STRC: variants seen among roughly 807,000 people sequenced by gnomAD.
STRC encodes the protein stereocilin.
Under a neutral mutation model 103.5 loss-of-function variants are expected in STRC, and 43 were observed. The ratio of observed to expected loss-of-function variants is 0.42; its 90% CI spans 0.33 to 0.54. The LOEUF is 0.54. Ranked by LOEUF, STRC falls within the 20% of genes least tolerant of loss-of-function variation. The pLI, the probability that STRC is intolerant of heterozygous loss-of-function variation, is 0.14. For missense variants in STRC, 499 were observed against 1,088.5 expected (o/e 0.46, Z 7.62); for synonymous variants, 186 against 442.3 (o/e 0.42, Z 7.27).
At chr15:43,604,608 G>A in intron 20 of STRC, 42 bp downstream of exon 20, 1 of 1,613,122 alleles carries the variant, frequency 6.2e-7, no homozygotes, top group Non-Finnish European at 8.5e-7. Flanking sequence ...GAGGGACTGG[G>A]TATAGAATGA....
In STRC at chr15:43,606,303, A is replaced by T. The variant is rs1354785688; in HGVS notation, c.3795-904T>A. ...TATTTAAACAGATCTGAATGGCATTAAAAAAAAGTAAAAACAGGCCGGACG... is the reference window on the plus strand; with the variant it reads ...TATTTAAACAGATCTGAATGGCATTTAAAAAAAGTAAAAACAGGCCGGACG... On this transcript the variant is annotated intron_variant, in intron 18 of 28. Transcript: ENST00000450892. Among the ~76,000 whole-genome samples, 2 of 90,600 alleles carry T rather than the reference A, an allele frequency of 2.2e-5. 1 individual carries two copies. The highest frequency in any genetic ancestry group is 8.1e-5 in the African/African-American group (2 of 24,574). The allele number at this position is 90,600 out of a possible 152,430, so 59.4% of individuals were successfully genotyped here.
chr15:43,603,588 T>G, intron 22 of STRC, 177 bp from the exon 23 acceptor site: 1 of 738,414 alleles, frequency 1.4e-6, no homozygotes, highest in Non-Finnish European at 2.3e-6. Context: ...GAACAAGAAG[T>G]GATTGGAGAT....
intron 19 of STRC, 165 bp from the exon 20 acceptor site, chr15:43,605,011 G>A (rs1455927579): frequency 4.1e-6 from 5 of 1,211,334 alleles, no homozygotes; most frequent in Non-Finnish European, 5.9e-6. Context: ...AGCCCAGATA[G>A]GAGCAGGCAG....
intron 15 of STRC, chr15:43,609,665 C>T (rs2085734750): frequency 2.8e-6 from 1 of 358,094 alleles, no homozygotes; most frequent in Non-Finnish European, 5.3e-6. Flanking sequence ...ATCTGGACAG[C>T]ATAGTACCTC....
intron 23 of STRC, among the ~76,000 whole-genome samples, chr15:43,602,353 T>C (rs1261922696): frequency 6.6e-6 from 1 of 151,754 alleles, no homozygotes; most frequent in Non-Finnish European, 1.5e-5. Context: ...GCTAATGTTT[T>C]TTCTATTTTT....
At position 43,604,108 on chromosome 15, in the gene STRC, C is replaced by G. The variant is rs138821063; in HGVS notation, c.4263G>C (p.Gln1421His). The G allele has an allele frequency of 6.2e-7, 1 of 1,611,880 alleles. No homozygotes were observed. Among genetic ancestry groups the G allele is most frequent in the African/African-American group, 1.3e-5 (1 of 74,830 alleles). Residue 1421 changes from glutamine (Q) to histidine (H), a missense_variant, in exon 22 of 29, where the codon CAG becomes CAC. Coordinates refer to ENST00000450892, the MANE Select transcript of STRC (RefSeq NM_153700.2). ...PETLERLLEK[Q>H]QSWEQSRVGQ... Reference sequence around the variant, plus strand: ...CAACTCTGCTCTGCTCCCAGCTCTGCTGCTTTTCTAGAAGCCGCTCCAGGG... The same window carrying G: ...CAACTCTGCTCTGCTCCCAGCTCTGGTGCTTTTCTAGAAGCCGCTCCAGGG...
In STRC at chr15:43,604,723, G is replaced by A. The variant is rs2085699578; in HGVS notation, c.4054C>T (p.Leu1352=). The change falls in exon 20 of 29, where the codon CTG becomes TTG. Residue 1352 remains leucine, a synonymous_variant. Coordinates refer to ENST00000450892, the MANE Select transcript of STRC (RefSeq NM_153700.2). ...LQILLSHLSQ[L]QGFCLGETFA... is the part of the protein sequence containing the mutation. Reference sequence around the variant, plus strand: ...GTCTCTCCTAGGCAGAAGCCTTGCAGCTGACTGAGATGGGACAGCAGGATC... The same window carrying A: ...GTCTCTCCTAGGCAGAAGCCTTGCAACTGACTGAGATGGGACAGCAGGATC... The A allele has an allele frequency of 1.2e-6, 2 of 1,613,562 alleles. No homozygotes were observed. Among genetic ancestry groups the A allele is most frequent in the African/African-American group, 2.7e-5 (2 of 74,874 alleles).
chr15:43,606,890 C>T (rs2085713699), intron 18 of STRC, among the ~76,000 whole-genome samples: 1 of 100,384 alleles, frequency 1.0e-5, no homozygotes, highest in South Asian at 4.0e-4. Context: ...GTCCCAGCTA[C>T]TCGGGAGACT....
At chr15:43,605,137 T>C in intron 19 of STRC, 127 bp downstream of exon 19, 2 of 1,542,250 alleles carry the variant, frequency 1.3e-6, no homozygotes, top group Non-Finnish European at 1.8e-6. Flanking sequence ...CCAGGCCTTG[T>C]AGACAGGAAT....
rs2467436 is a variant in STRC, at chr15:43,608,459, C to A, written c.3558-256G>T. 3.8e-3 allele frequency among the ~76,000 whole-genome samples: 487 copies of A among 129,688 alleles called. 2 individuals carry two copies. Among genetic ancestry groups the A allele is most frequent in the Middle Eastern group, 0.03 (7 of 232 alleles). The allele number at this position is 129,688 out of a possible 152,430, so 85.1% of individuals were successfully genotyped here. ...GAAATGTGGTAAACTGAAACTAGAG[C>A]CATGTCTTAGATTCTGAAGCCCTTG... On this transcript the variant is annotated intron_variant, in intron 16 of 28. Transcript: ENST00000450892.
intron 18 of STRC, among the ~76,000 whole-genome samples, chr15:43,606,445 C>G (rs954115536): frequency 1.4e-5 from 2 of 146,502 alleles, no homozygotes; most frequent in Non-Finnish European, 3.0e-5. Context: ...ACTAAAAATG[C>G]AAAAATTAGC....
At position 43,604,665 on chromosome 15, in the gene STRC, T is replaced by C. The variant is rs1303436326; in HGVS notation, c.4112A>G (p.Gln1371Arg). 1 of 1,613,606 alleles carries C rather than the reference T, an allele frequency of 6.2e-7. No homozygotes were observed. Among genetic ancestry groups the C allele is most frequent in the Admixed American group, 1.7e-5 (1 of 59,994 alleles). The stretch of plus-strand genomic sequence containing the variant: ...AGGTCCATACCCAAGAACAGACTCC[T>C]GCAATAGCAGCCATCCCAGCTCTGT... ...FATELGWLLL[Q>R]ESVLGKPELW... Residue 1371 changes from glutamine to arginine, a missense_variant, in exon 20 of 29, where the codon CAG (glutamine) becomes CGG (arginine). By Grantham distance (43) the Gln-to-Arg change is conservative. Transcript: ENST00000450892.
In STRC at chr15:43,603,418, G is replaced by T; in HGVS notation, c.4376-7C>A. On this transcript the variant is annotated splice_polypyrimidine_tract_variant and splice_region_variant and intron_variant, in intron 22 of 28. Coordinates refer to ENST00000450892, the MANE Select transcript of STRC (RefSeq NM_153700.2). ...GCACAATTTGGCACAGGTTCTGAAG[G>T]GGGAAGGCAGGGCCAGGAGGTCAGC... The T allele has an allele frequency of 6.2e-7, 1 of 1,612,692 alleles. No individual in the cohort carries two copies. The highest frequency in any genetic ancestry group is 8.5e-7 in the Non-Finnish European group (1 of 1,179,698).
At chr15:43,604,992 T>C in intron 19 of STRC, 146 bp from the exon 20 acceptor site, 1 of 1,343,954 alleles carries the variant, frequency 7.4e-7, no homozygotes. Context: ...TTCACTTCCT[T>C]AAGCAATGAG....
At position 43,604,091 on chromosome 15, in the gene STRC, C is replaced by T. The variant is rs1372056863; in HGVS notation, c.4280G>A (p.Ser1427Asn). 5 of 1,613,048 alleles carry T rather than the reference C, an allele frequency of 3.1e-6. No homozygotes were observed. Among genetic ancestry groups the T allele is most frequent in the African/African-American group, 1.3e-5 (1 of 74,858 alleles). Residue 1427 changes from serine (S) to asparagine (N), a missense_variant, in exon 22 of 29, where the codon AGC (serine) becomes AAC (asparagine). By Grantham distance (46) the Ser-to-Asn change is conservative. Coordinates refer to ENST00000450892, the MANE Select transcript of STRC (RefSeq NM_153700.2). The stretch of plus-strand genomic sequence containing the variant: ...CTCCCTACACAGCTGTCCAACTCTG[C>T]TCTGCTCCCAGCTCTGCTGCTTTTC... The part of the protein sequence containing the change: ...LLEKQQSWEQ[S>N]RVGQLCREPQ...
Position 43,603,345 on chromosome 15 carries a change from G to A in STRC, c.4442C>T (p.Ala1481Val). 1 of 1,613,808 alleles carries A rather than the reference G, an allele frequency of 6.2e-7. No individual in the cohort carries two copies. Among genetic ancestry groups the A allele is most frequent in the African/African-American group, 1.3e-5 (1 of 74,966 alleles). ...CTCAAAGTCTGAGAGCTCCATCTCT[G>A]CAATCTGGGTTGCAGACCAGGCTGC... ...FPAAWSATQIAEMELSDFEDC... is the reference protein window; with the variant it reads ...FPAAWSATQIVEMELSDFEDC... Residue 1481 changes from alanine to valine, a missense_variant, in exon 23 of 29, where the codon GCA (alanine) becomes GTA (valine). By Grantham distance (64) the Ala-to-Val change is moderately conservative. Transcript: ENST00000450892.
Position 43,600,892 on chromosome 15 carries a change from G to A in STRC, c.4824C>T (p.His1608=), listed in dbSNP as rs762392247. ...ATGACCTGAACTCCCAACTGCTGAT[G>A]TGCTGGAGCTCCTCTGGCCGCAGTC... ...LCGLRPEELQ[H]ISSWEFSQAA... Residue 1608 remains histidine, a synonymous_variant, in exon 25 of 29, where the codon CAC becomes CAT. Coordinates refer to ENST00000450892, the MANE Select transcript of STRC (RefSeq NM_153700.2). 10 of 1,612,858 alleles carry A rather than the reference G, an allele frequency of 6.2e-6. No individual in the cohort carries two copies. Among genetic ancestry groups the A allele is most frequent in the Non-Finnish European group, 8.5e-6 (10 of 1,179,720 alleles).
At chr15:43,604,481 G>C (rs1038209923) in intron 20 of STRC, 30 bp from the exon 21 acceptor site, 2 of 1,555,952 alleles carry the variant, frequency 1.3e-6, no homozygotes, top group East Asian at 4.8e-5. Context: ...CGGGGGCTGG[G>C]GAGCTGAGGG....
At chr15:43,603,945 T>G (rs771817386) in intron 22 of STRC, 51 bp downstream of exon 22, 7 of 1,611,314 alleles carry the variant, frequency 4.3e-6, no homozygotes, top group Non-Finnish European at 5.9e-6. Flanking sequence ...CCAGACCGTT[T>G]GATACTCCCT....
Sources: allele counts gnomAD v4.1 joint callset (sites outside exome capture counted in the v4.1 genomes callset), GRCh38; gene constraint gnomAD v4.1.1; transcripts MANE v1.5; gene names NCBI Gene and HGNC (gene_info 2026-07-23, HGNC 2026-07-21).